Variants in MMP14 observed in about 807,000 individuals in gnomAD.
MMP14 encodes the protein matrix metalloproteinase-14.
MMP14 carries 13 observed loss-of-function variants against 64.8 expected under a neutral mutation model. The observed-to-expected ratio is 0.20, with a 90% confidence interval of 0.13 to 0.32. The LOEUF is 0.32. Among genes scored for constraint, MMP14 ranks in the 10% least tolerant of loss-of-function variants. The probability of loss-of-function intolerance (pLI) is 1.00; values close to 1 mark genes in which losing one functional copy is unlikely to be tolerated. For missense variants in MMP14, 594 were observed against 783.8 expected (o/e 0.76, Z 2.89); for synonymous variants, 322 against 315.9 (o/e 1.02, Z -0.20).
rs2039780743 is a variant in MMP14 at position 22,842,547 on chromosome 14, A to G, written c.518A>G (p.Lys173Arg). ...PYAYIREGHE[K>R]QADIMIFFAE... ...GCCTACATCCGTGAGGGCCATGAGA[A>G]GCAGGCCGACATCATGATCTTCTTT... The change falls in exon 4 of 10, where the codon AAG becomes AGG. Residue 173 changes from lysine to arginine, a missense_variant. Coordinates refer to ENST00000311852, the MANE Select transcript of MMP14 (RefSeq NM_004995.4). The surrounding 1 kb of genome is among the most constrained non-coding windows in gnomAD (Gnocchi z 5.3). 1 of 1,614,172 alleles carries G rather than the reference A, an allele frequency of 6.2e-7. No individual in the cohort carries two copies. Among genetic ancestry groups the G allele is most frequent in the Non-Finnish European group, 8.5e-7 (1 of 1,180,022 alleles).
chr14:22,845,386 G>A lies in MMP14; in HGVS notation c.1417+20G>A. On this transcript the variant is annotated intron_variant, in intron 9 of 9. Transcript: ENST00000311852. ...ATGAAGGTGAGAGGGGCAAGGGAAG[G>A]TGTCGCTGAGAGAAGGATGGGAATA... 1 of 1,540,496 alleles carries A rather than the reference G, an allele frequency of 6.5e-7. No homozygotes were observed. Among genetic ancestry groups the A allele is most frequent in the South Asian group, 1.2e-5 (1 of 85,408 alleles).
intron 1 of MMP14, among the ~76,000 whole-genome samples, chr14:22,837,829 G>A (rs2039745886): frequency 6.6e-6 from 1 of 152,224 alleles, no homozygotes; most frequent in Admixed American, 6.5e-5. Flanking sequence ...CTGCGTGGGA[G>A]TTGTCTGAGG....
Position 22,843,552 on chromosome 14 carries a change from C to G in MMP14, c.850+134C>G. ...CCTGCCCCTGCCTCTATCAGCTCCACTTTTGAGCCCATCTTTTGTGTCGCC... is the reference window on the plus strand; with the variant it reads ...CCTGCCCCTGCCTCTATCAGCTCCAGTTTTGAGCCCATCTTTTGTGTCGCC... On this transcript the variant is annotated intron_variant, in intron 5 of 9. Coordinates refer to ENST00000311852, the MANE Select transcript of MMP14 (RefSeq NM_004995.4). The surrounding 1 kb of genome is among the most constrained non-coding windows in gnomAD (Gnocchi z 4.8). 3 of 1,389,370 alleles carry G rather than the reference C, an allele frequency of 2.2e-6. No homozygotes were observed. Among genetic ancestry groups the G allele is most frequent in the Non-Finnish European group, 2.9e-6 (3 of 1,017,808 alleles). The allele number at this position is 1,389,370 out of a possible 1,614,324, so 86.1% of individuals were successfully genotyped here. A position where few individuals can be genotyped will look rare whatever the true frequency, so the allele number is the denominator to read the frequency against.
chr14:22,836,769 G>C lies in MMP14; in HGVS notation c.-49G>C, dbSNP rs769684506. The C allele has an allele frequency of 1.3e-5, 16 of 1,260,396 alleles. 1 individual carries two copies. The highest frequency in any genetic ancestry group is 4.2e-4 in the Middle Eastern group (2 of 4,776). 78.1% of individuals were successfully genotyped at this position (1,260,396 alleles called of 1,614,324 possible). ...GTGGCGGTGCGACCCCAGGGCGTGG[G>C]CCCGGCCGCGGAGCCCACACTGCCC... On this transcript the variant is annotated 5_prime_UTR_variant, in exon 1 of 10. Transcript: ENST00000311852.
At position 22,846,060 on chromosome 14, in the gene MMP14, A is replaced by T. The variant is rs1255821356; in HGVS notation, c.*21A>T. ...TCTGACGCCCACCGCCGGCCCGCCCACTCCTACCACAAGGACTTTGCCTCT... is the reference window on the plus strand; with the variant it reads ...TCTGACGCCCACCGCCGGCCCGCCCTCTCCTACCACAAGGACTTTGCCTCT... On this transcript the variant is annotated 3_prime_UTR_variant, in exon 10 of 10. Coordinates refer to ENST00000311852, the MANE Select transcript of MMP14 (RefSeq NM_004995.4). The T allele has an allele frequency of 4.8e-6, 7 of 1,453,940 alleles. No homozygotes were observed. Among genetic ancestry groups the T allele is most frequent in the Non-Finnish European group, 6.3e-6 (7 of 1,102,806 alleles). 90.1% of individuals were successfully genotyped at this position (1,453,940 alleles called of 1,614,324 possible).
rs372574491 is a variant in MMP14, at chr14:22,846,056, G to A, written c.*17G>A. 21 of 1,457,642 alleles carry A rather than the reference G, an allele frequency of 1.4e-5. No homozygotes were observed. The highest frequency in any genetic ancestry group is 2.5e-5 in the East Asian group (1 of 40,122). 90.3% of individuals were successfully genotyped at this position (1,457,642 alleles called of 1,614,324 possible). On this transcript the variant is annotated 3_prime_UTR_variant, in exon 10 of 10. Coordinates refer to ENST00000311852, the MANE Select transcript of MMP14 (RefSeq NM_004995.4). The stretch of plus-strand genomic sequence containing the variant: ...AAGGTCTGACGCCCACCGCCGGCCC[G>A]CCCACTCCTACCACAAGGACTTTGC...
chr14:22,845,087 C>A (rs1595016169), intron 8 of MMP14, among the ~76,000 whole-genome samples, 164 bp from the exon 9 acceptor site: 1 of 152,140 alleles, frequency 6.6e-6, no homozygotes, highest in African/African-American at 2.4e-5. Context: ...CTCCCTTCCA[C>A]CCCCACCTTC....
intron 1 of MMP14, among the ~76,000 whole-genome samples, chr14:22,839,540 T>G (rs956685651): frequency 2.6e-5 from 4 of 152,214 alleles, no homozygotes; most frequent in African/African-American, 9.7e-5. Context: ...GCCAAGACTG[T>G]TGGCTGGGAA....
At position 22,843,933 on chromosome 14, in the gene MMP14, T is replaced by C. The variant is rs2039792494; in HGVS notation, c.1011+63T>C. The C allele has an allele frequency of 6.3e-7, 1 of 1,580,922 alleles. No individual in the cohort carries two copies. Among genetic ancestry groups the C allele is most frequent in the Non-Finnish European group, 8.6e-7 (1 of 1,168,660 alleles). On this transcript the variant is annotated intron_variant, in intron 6 of 9. Coordinates refer to ENST00000311852, the MANE Select transcript of MMP14 (RefSeq NM_004995.4). This position sits in a 1 kb window ranked among gnomAD's most constrained non-coding sequence, Gnocchi z 4.8. ...CCTATGGGCTGGGCATGGTGGCTCA[T>C]GCCTGTAATCCTAGCACTTTGAGAG...
rs758540604 is a variant in MMP14, at chr14:22,836,947, T to A, written c.108+22T>A. ...CGAAGTAAGTGAGCTTCCCGGCCCT[T>A]CCCGGAGTCGCGCCCGCCGGGAGGC... On this transcript the variant is annotated intron_variant, in intron 1 of 9. Transcript: ENST00000311852. 11 of 1,593,930 alleles carry A rather than the reference T, an allele frequency of 6.9e-6. No individual in the cohort carries two copies. The South Asian group carries it at 1.1e-4, about 16-fold the overall frequency.
intron 1 of MMP14, among the ~76,000 whole-genome samples, chr14:22,840,849 A>G (rs1327731416): frequency 1.3e-5 from 2 of 152,184 alleles, no homozygotes; most frequent in Non-Finnish European, 2.9e-5. Context: ...GTTCCAAGCC[A>G]TAGGTCAGAT....
At chr14:22,837,761 C>G (rs1306884706) in intron 1 of MMP14, among the ~76,000 whole-genome samples, 2 of 152,208 alleles carry the variant, frequency 1.3e-5, no homozygotes, top group Non-Finnish European at 2.9e-5. Flanking sequence ...GGGGCTGGCT[C>G]GGGCGCCCCC....
rs1356676945 is a variant in MMP14, at chr14:22,846,562, G to C, written c.*523G>C. On this transcript the variant is annotated 3_prime_UTR_variant, in exon 10 of 10. Coordinates refer to ENST00000311852, the MANE Select transcript of MMP14 (RefSeq NM_004995.4). Reference sequence around the variant, plus strand: ...TAATCTTGTTGAGGGTAGAGACCCTGAGACAGTGTGAGGGGGTGGGGACTG... The same window carrying C: ...TAATCTTGTTGAGGGTAGAGACCCTCAGACAGTGTGAGGGGGTGGGGACTG... 1.3e-5 allele frequency: 2 copies of C among 154,226 alleles called. No individual in the cohort carries two copies. Among genetic ancestry groups the C allele is most frequent in the Non-Finnish European group, 2.9e-5 (2 of 69,340 alleles). 9.6% of individuals were successfully genotyped at this position (154,226 alleles called of 1,614,324 possible).
rs764989341 is a variant in MMP14 at position 22,844,458 on chromosome 14, T to C, written c.1099T>C (p.Ser367Pro). 23 of 1,614,036 alleles carry C rather than the reference T, an allele frequency of 1.4e-5. No homozygotes were observed. The highest frequency in any genetic ancestry group is 1.9e-5 in the Non-Finnish European group (23 of 1,180,032). ...CCAGTTCTGGCGGGGCCTGCCTGCG[T>C]CCATCAACACTGCCTACGAGAGGAA... ...IGQFWRGLPA[S>P]INTAYERKDG... The change falls in exon 7 of 10, where the codon TCC becomes CCC. Residue 367 changes from serine (S) to proline (P), a missense_variant. Physicochemically the swap from Ser to Pro is moderately conservative, Grantham distance 74. Around this residue, in one of 4 missense-constraint regions of MMP14, gnomAD observed 364 missense variants for 425.2 expected, o/e 0.86. Coordinates refer to ENST00000311852, the MANE Select transcript of MMP14 (RefSeq NM_004995.4).
In MMP14 at chr14:22,843,639, T is replaced by G; in HGVS notation, c.851-71T>G. On this transcript the variant is annotated intron_variant, in intron 5 of 9. Transcript: ENST00000311852. The surrounding 1 kb of genome is among the most constrained non-coding windows in gnomAD (Gnocchi z 4.8). The stretch of plus-strand genomic sequence containing the variant: ...TCCACACCTTTCCAAGGGTATTGTC[T>G]GCCCATCTGTCTGTCCTTCCGTCCC... 6.6e-7 allele frequency: 1 copy of G among 1,512,470 alleles called. No homozygotes were observed. The highest frequency in any genetic ancestry group is 8.9e-7 in the Non-Finnish European group (1 of 1,120,856). 93.7% of individuals were successfully genotyped at this position (1,512,470 alleles called of 1,614,324 possible). A position where few individuals can be genotyped will look rare whatever the true frequency, so the allele number is the denominator to read the frequency against.
intron 1 of MMP14, among the ~76,000 whole-genome samples, chr14:22,838,037 T>C (rs939223634): frequency 2.6e-5 from 4 of 152,292 alleles, no homozygotes; most frequent in Middle Eastern, 6.8e-3. Context: ...GAAAACTCTT[T>C]GGAAAGAATA....
Position 22,844,787 on chromosome 14 carries a change from C to A in MMP14, c.1301+7C>A, listed in dbSNP as rs1358334771. The A allele has an allele frequency of 1.9e-6, 3 of 1,614,044 alleles. No individual in the cohort carries two copies. Among genetic ancestry groups the A allele is most frequent in the Non-Finnish European group, 8.5e-7 (1 of 1,179,988 alleles). On this transcript the variant is annotated splice_region_variant and intron_variant, in intron 8 of 9. Coordinates refer to ENST00000311852, the MANE Select transcript of MMP14 (RefSeq NM_004995.4). ...ACTTCTTCCGTGGAAACAAGTAAGA[C>A]CTCAACCCCTTAACCCCAGGCCTCC...
rs2138740400 is a variant in MMP14, at chr14:22,842,222, C to A, written c.380+187C>A. ...AGCCATCAAGGGTGCACCCCAGTGC[C>A]AGAGAGCCAGAGCCTGAGGATCCCT... On this transcript the variant is annotated intron_variant, in intron 3 of 9. Transcript: ENST00000311852. The surrounding 1 kb of genome is among the most constrained non-coding windows in gnomAD (Gnocchi z 5.3). The A allele has an allele frequency of 1.0e-6, 1 of 993,726 alleles. No individual in the cohort carries two copies. The highest frequency in any genetic ancestry group is 1.7e-5 in the South Asian group (1 of 60,486). 61.6% of individuals were successfully genotyped at this position (993,726 alleles called of 1,614,324 possible). A position where few individuals can be genotyped will look rare whatever the true frequency, so the allele number is the denominator to read the frequency against.
chr14:22,840,029 G>T (rs1324237365), intron 1 of MMP14, among the ~76,000 whole-genome samples: 1 of 145,916 alleles, frequency 6.9e-6, no homozygotes, highest in Non-Finnish European at 1.5e-5. Context: ...GTGCAGTGGC[G>T]GGATCTTGGC....
Sources: allele counts gnomAD v4.1 joint callset (sites outside exome capture counted in the v4.1 genomes callset), GRCh38; gene constraint gnomAD v4.1.1; regional missense constraint gnomAD v4.1.1; non-coding constraint Gnocchi (gnomAD v3.1); transcripts MANE v1.5; gene names NCBI Gene and HGNC (gene_info 2026-07-23, HGNC 2026-07-21).